The following FSIP1 variants were observed in gnomAD, a reference collection of about 807,000 sequenced individuals.
FSIP1 encodes fibrous sheath interacting protein 1, also known as fibrous sheath-interacting protein 1.
A neutral mutation model predicts 60.9 loss-of-function variants in FSIP1; 65 were observed. That is an observed-to-expected ratio of 1.07 (90% confidence interval 0.87 to 1.31). FSIP1 has a LOEUF of 1.31. Among genes scored for constraint, FSIP1 ranks in the 40% most tolerant of loss-of-function variants. FSIP1 has a pLI of 0.00. For synonymous variants in FSIP1, 209 were observed against 221.2 expected (o/e 0.94, Z 0.49); for missense variants, 675 against 665.5 (o/e 1.01, Z -0.16).
At chr15:39,647,597 C>T (rs1892671429) in intron 10 of FSIP1, among the ~76,000 whole-genome samples, 1 of 152,070 alleles carries the variant, frequency 6.6e-6, no homozygotes, top group South Asian at 2.1e-4. Context: ...CCCATGACAT[C>T]ACTGGTATGT....
At position 39,782,665 on chromosome 15, in the gene FSIP1, A is replaced by C. The variant is rs1321556178; in HGVS notation, c.-45T>G. On this transcript the variant is annotated 5_prime_UTR_variant, in exon 1 of 12. Coordinates refer to ENST00000350221, the MANE Select transcript of FSIP1 (RefSeq NM_152597.5). ...CCTCCTCGAGGAACTGGCCGCCGTC[A>C]GTCAGGGCGCAGATGGCCGCAGAAG... 1.3e-5 allele frequency: 2 copies of C among 152,478 alleles called. No individual in the cohort carries two copies. Among genetic ancestry groups the C allele is most frequent in the African/African-American group, 4.8e-5 (2 of 41,438 alleles). 9.4% of individuals were successfully genotyped at this position (152,478 alleles called of 1,614,324 possible).
intron 10 of FSIP1, among the ~76,000 whole-genome samples, chr15:39,667,181 G>T (rs1011035548): frequency 6.6e-6 from 1 of 152,002 alleles, no homozygotes; most frequent in Non-Finnish European, 1.5e-5. Flanking sequence ...ACATTTAAAG[G>T]TTATCACTTC....
intron 10 of FSIP1, among the ~76,000 whole-genome samples, chr15:39,690,188 T>A (rs779978938): frequency 7.9e-5 from 12 of 152,188 alleles, no homozygotes; most frequent in Non-Finnish European, 1.3e-4. Context: ...GAGATGAGAC[T>A]GAAAAGCGTA....
intron 8 of FSIP1, among the ~76,000 whole-genome samples, chr15:39,727,931 A>G (rs1199893489): frequency 6.6e-6 from 1 of 152,250 alleles, no homozygotes; most frequent in African/African-American, 2.4e-5. Flanking sequence ...AAACAACTTC[A>G]GCAAAGTTTC....
intron 11 of FSIP1, chr15:39,602,373 G>A (rs1267196506): frequency 2.2e-6 from 1 of 455,880 alleles, no homozygotes; most frequent in African/African-American, 2.0e-5. Flanking sequence ...TGTGGCCTTG[G>A]TGACACCTTG....
At chr15:39,617,016 CA>C (rs1891255885) in intron 11 of FSIP1, among the ~76,000 whole-genome samples, 1 of 152,004 alleles carries the variant, frequency 6.6e-6, no homozygotes, top group Non-Finnish European at 1.5e-5. Flanking sequence ...AAATGGAAGT[CA>C]AAACCGAAAT....
In FSIP1 at chr15:39,618,030, T is replaced by C; in HGVS notation, c.1404A>G (p.Ala468=). 1.2e-6 allele frequency: 2 copies of C among 1,614,210 alleles called. No homozygotes were observed. The highest frequency in any genetic ancestry group is 1.7e-6 in the Non-Finnish European group (2 of 1,180,016). Reference sequence around the variant, plus strand: ...CACATTCTTCACTCTCAAGCATATCTGCATCTTCTACCTCAGTTTTCTGGA... The same window carrying C: ...CACATTCTTCACTCTCAAGCATATCCGCATCTTCTACCTCAGTTTTCTGGA... The part of the protein sequence containing the change: ...TKVQKTEVED[A]DMLESEECEA... Residue 468 remains alanine (A), a synonymous_variant, in exon 11 of 12, where the codon GCA becomes GCG. Coordinates refer to ENST00000350221, the MANE Select transcript of FSIP1 (RefSeq NM_152597.5).
At chr15:39,746,836 G>C (rs1343758641) in intron 5 of FSIP1, among the ~76,000 whole-genome samples, 8 of 83,480 alleles carry the variant, frequency 9.6e-5, no homozygotes, top group Non-Finnish European at 2.3e-4. Flanking sequence ...GGGGGAAGAA[G>C]GGGGAACTGA....
At chr15:39,723,747 T>A (rs1200321878) in intron 9 of FSIP1, among the ~76,000 whole-genome samples, 1 of 152,242 alleles carries the variant, frequency 6.6e-6, no homozygotes, top group African/African-American at 2.4e-5. Context: ...ATATGAACTA[T>A]GAATGTTTGT....
At chr15:39,717,614 T>C (rs1895791074) in intron 9 of FSIP1, among the ~76,000 whole-genome samples, 1 of 152,074 alleles carries the variant, frequency 6.6e-6, no homozygotes, top group Admixed American at 6.6e-5. Context: ...TTTGCTACAG[T>C]CCATGCCAAA....
intron 10 of FSIP1, among the ~76,000 whole-genome samples, chr15:39,627,394 G>A (rs759045952): frequency 2.0e-5 from 3 of 152,212 alleles, no homozygotes; most frequent in Non-Finnish European, 4.4e-5. Context: ...GATGAGGTGT[G>A]AGTTGCTAAT....
intron 9 of FSIP1, among the ~76,000 whole-genome samples, chr15:39,718,493 CTT>C (rs11422776): frequency 1.3e-4 from 18 of 139,298 alleles, no homozygotes; most frequent in African/African-American, 2.1e-4. Flanking sequence ...GCAGACAAAC[CTT>C]TTTTTTTTTT....
At chr15:39,777,431 C>G (rs1225943809) in intron 1 of FSIP1, among the ~76,000 whole-genome samples, 1 of 152,202 alleles carries the variant, frequency 6.6e-6, no homozygotes, top group Non-Finnish European at 1.5e-5. Context: ...TATTAAAGGA[C>G]AGATTTTCAT....
At chr15:39,728,419 GGT>G (rs1208267324) in intron 8 of FSIP1, among the ~76,000 whole-genome samples, 2 of 152,106 alleles carry the variant, frequency 1.3e-5, no homozygotes. Context: ...AAAACATCAT[GGT>G]ACTAGTACAA....
At chr15:39,619,357 T>G (rs1891359885) in intron 10 of FSIP1, among the ~76,000 whole-genome samples, 1 of 152,160 alleles carries the variant, frequency 6.6e-6, no homozygotes, top group East Asian at 1.9e-4. Context: ...GTTTTTACAG[T>G]GGCAAGTGTC....
At chr15:39,725,213 G>C (rs116940691) in intron 9 of FSIP1, among the ~76,000 whole-genome samples, 2 of 152,080 alleles carry the variant, frequency 1.3e-5, no homozygotes, top group South Asian at 4.1e-4. Flanking sequence ...CCTGGTGACA[G>C]AGCGAGATTC....
At chr15:39,644,576 G>C (rs538790821) in intron 10 of FSIP1, among the ~76,000 whole-genome samples, 6 of 152,170 alleles carry the variant, frequency 3.9e-5, no homozygotes, top group Non-Finnish European at 7.3e-5. Context: ...TGGTCTCCAA[G>C]AACTCATGAG....
At chr15:39,635,776 C>T (rs183895779) in intron 10 of FSIP1, among the ~76,000 whole-genome samples, 48 of 152,242 alleles carry the variant, frequency 3.2e-4, no homozygotes, top group African/African-American at 1.2e-3. Context: ...ATTATGGAAG[C>T]CATGCTGCCT....
chr15:39,687,827 A>G (rs756678329), intron 10 of FSIP1, among the ~76,000 whole-genome samples: 1 of 152,182 alleles, frequency 6.6e-6, no homozygotes, highest in African/African-American at 2.4e-5. Flanking sequence ...TCTACCTAAC[A>G]CAGGAGTTCT....
Sources: gnomAD v4.1 joint callset for allele counts (sites outside exome capture counted in the v4.1 genomes callset) on GRCh38, gnomAD v4.1.1 for gene constraint, MANE v1.5 for transcripts, NCBI Gene and HGNC (gene_info 2026-07-23, HGNC 2026-07-21) for gene names.